USH2A: variants seen among roughly 807,000 people sequenced by gnomAD.
The protein encoded by USH2A is usherin, also known as Usher syndrome 2A (autosomal recessive, mild).
Under a neutral mutation model 538.9 loss-of-function variants are expected in USH2A, and 443 were observed. The ratio of observed to expected loss-of-function variants is 0.82; its 90% CI spans 0.76 to 0.89. USH2A has a LOEUF of 0.89. Ranked by LOEUF, USH2A falls within the 40% of genes least tolerant of loss-of-function variation. The pLI is 0.00. For missense variants in USH2A, 6,633 were observed against 6,324.8 expected, an observed-to-expected ratio of 1.05 and a Z score of -1.65; for synonymous variants, 2,413 against 2,273.5, an observed-to-expected ratio of 1.06 and a Z score of -1.75.
intron 38 of USH2A, among the ~76,000 whole-genome samples, chr1:215,901,776 G>T (rs894168433): frequency 6.6e-6 from 1 of 152,114 alleles, no homozygotes; most frequent in African/African-American, 2.4e-5. Flanking sequence ...TTTTCCAACT[G>T]GTATAACTCA....
intron 65 of USH2A, among the ~76,000 whole-genome samples, chr1:215,650,385 C>T (rs1005464128): frequency 1.3e-5 from 2 of 152,044 alleles, no homozygotes; most frequent in Non-Finnish European, 2.9e-5. Context: ...CATCCCTCTC[C>T]CTAAGAGTTT....
intron 69 of USH2A, among the ~76,000 whole-genome samples, chr1:215,637,558 G>T (rs965236144): frequency 7.9e-5 from 12 of 152,126 alleles, no homozygotes; most frequent in African/African-American, 2.9e-4. Context: ...TATTGGAGTT[G>T]CTAACAGAAT....
chr1:216,108,856 T>C (rs2032799314), intron 21 of USH2A, among the ~76,000 whole-genome samples: 2 of 152,178 alleles, frequency 1.3e-5, no homozygotes, highest in African/African-American at 4.8e-5. Context: ...ATCCATTATA[T>C]GAATTTTACC....
chr1:216,111,936 AG>A (rs2032883463), intron 21 of USH2A, among the ~76,000 whole-genome samples: 1 of 151,920 alleles, frequency 6.6e-6, no homozygotes, highest in African/African-American at 2.4e-5. Context: ...GGAATGTAAA[AG>A]TTCATTTTCA....
chr1:216,155,468 T>TG (rs1432860206), intron 21 of USH2A, among the ~76,000 whole-genome samples: 1 of 152,180 alleles, frequency 6.6e-6, no homozygotes, highest in African/African-American at 2.4e-5. Flanking sequence ...CCTGGACTAA[T>TG]GACTCATGAC....
intron 4 of USH2A, among the ~76,000 whole-genome samples, chr1:216,334,861 C>T (rs2037939126): frequency 1.3e-5 from 2 of 151,670 alleles, no homozygotes. Flanking sequence ...ATAGTGGAGA[C>T]TTCAATATCC....
chr1:215,684,256 C>T (rs2102675442), intron 61 of USH2A, among the ~76,000 whole-genome samples: 1 of 152,304 alleles, frequency 6.6e-6, no homozygotes, highest in South Asian at 2.1e-4. Flanking sequence ...CTCCTGGGGA[C>T]ATATGCAACT....
intron 30 of USH2A, among the ~76,000 whole-genome samples, chr1:216,069,451 T>C (rs1200987259): frequency 6.6e-6 from 1 of 152,164 alleles, no homozygotes; most frequent in Non-Finnish European, 1.5e-5. Context: ...ATTTGACACA[T>C]TTACTTCCCT....
intron 38 of USH2A, among the ~76,000 whole-genome samples, chr1:215,913,318 G>T (rs61828480): frequency 0.15 from 22,553 of 152,074 alleles, 1,777 homozygotes; most frequent in African/African-American, 0.16. Flanking sequence ...CAAAGTGCTA[G>T]GAGGGAGAAC....
intron 35 of USH2A, among the ~76,000 whole-genome samples, chr1:215,988,575 C>A (rs913251374): frequency 2.0e-5 from 3 of 146,702 alleles, no homozygotes; most frequent in African/African-American, 5.5e-5. Context: ...ATTTGAGGAA[C>A]CTCTACACTA....
chr1:215,790,031 C>A, intron 51 of USH2A, 28 bp downstream of exon 51: 1 of 1,599,706 alleles, frequency 6.3e-7, no homozygotes, highest in Non-Finnish European at 8.5e-7. Context: ...GTCAAATCAG[C>A]GCCTCCGAGA....
At chr1:216,318,262 CT>C (rs1273781973) in intron 9 of USH2A, among the ~76,000 whole-genome samples, 1 of 152,106 alleles carries the variant, frequency 6.6e-6, no homozygotes, top group Non-Finnish European at 1.5e-5. Context: ...TGAAGACATT[CT>C]TTTTGGATTA....
At chr1:216,075,930 C>T (rs1407082398) in intron 27 of USH2A, among the ~76,000 whole-genome samples, 1 of 150,272 alleles carries the variant, frequency 6.7e-6, no homozygotes, top group Non-Finnish European at 1.5e-5. Context: ...AATTAAGAAG[C>T]AGAGAAAAGG....
At chr1:216,129,420 C>T (rs2033323155) in intron 21 of USH2A, among the ~76,000 whole-genome samples, 1 of 151,724 alleles carries the variant, frequency 6.6e-6, no homozygotes, top group African/African-American at 2.4e-5. Flanking sequence ...ATGCTAACAG[C>T]AAACAATCTG....
intron 38 of USH2A, among the ~76,000 whole-genome samples, chr1:215,925,522 A>G (rs1047820812): frequency 1.3e-5 from 2 of 152,174 alleles, no homozygotes; most frequent in Non-Finnish European, 1.5e-5. Flanking sequence ...GAAGGTAAAG[A>G]CAAACCATCT....
At chr1:215,979,671 A>G (rs1434915696) in intron 35 of USH2A, among the ~76,000 whole-genome samples, 1 of 152,172 alleles carries the variant, frequency 6.6e-6, no homozygotes, top group Non-Finnish European at 1.5e-5. Flanking sequence ...GTGGCAGAAG[A>G]AATATCTTTA....
chr1:215,680,173 A>G lies in USH2A; in HGVS notation c.12270T>C (p.Pro4090=). 1 of 1,614,046 alleles carries G rather than the reference A, an allele frequency of 6.2e-7. No homozygotes were observed. Among genetic ancestry groups the G allele is most frequent in the East Asian group, 2.2e-5 (1 of 44,896 alleles). ...GRALLLQWSE[P]MRTNGVIKTY... is the part of the protein sequence containing the mutation. Reference sequence around the variant, plus strand: ...CCTTAATCACACCATTGGTTCTCATAGGTTCTGACCACTGTAGTAGCAATG... The same window carrying G: ...CCTTAATCACACCATTGGTTCTCATGGGTTCTGACCACTGTAGTAGCAATG... Residue 4090 remains proline (P), a synonymous_variant, in exon 62 of 72, where the codon CCT becomes CCC. Transcript: ENST00000307340.
Position 216,046,468 on chromosome 1 carries a change from C to G in USH2A, c.6288G>C (p.Leu2096=), listed in dbSNP as rs751439600. 6.2e-7 allele frequency: 1 copy of G among 1,613,562 alleles called. No individual in the cohort carries two copies. The highest frequency in any genetic ancestry group is 1.1e-5 in the South Asian group (1 of 91,054). ...AGTTCTCCTCACTGCCTGAATAGAT[C>G]AGCCTCCCATCCATGTATAAACAGT... is the stretch of plus-strand genomic sequence containing the variant. ...TQYCLYMDGR[L]IYSGSEENYI... Residue 2096 remains leucine, a synonymous_variant, in exon 32 of 72, where the codon CTG becomes CTC. Transcript: ENST00000307340.
chr1:216,234,651 A>G (rs1361063546), intron 13 of USH2A, among the ~76,000 whole-genome samples: 1 of 152,112 alleles, frequency 6.6e-6, no homozygotes, highest in Non-Finnish European at 1.5e-5. Flanking sequence ...ATTTGGATAA[A>G]TTACCCATTA....
Sources: gnomAD v4.1 joint callset for allele counts (sites outside exome capture counted in the v4.1 genomes callset) on GRCh38, gnomAD v4.1.1 for gene constraint, MANE v1.5 for transcripts, NCBI Gene and HGNC (gene_info 2026-07-23, HGNC 2026-07-21) for gene names.